The following CUX1 variants were observed in gnomAD, a reference collection of about 807,000 sequenced individuals.
The protein encoded by CUX1 is protein CASP.
In CUX1, 31 loss-of-function variants were observed where a neutral mutation model predicts 158.8. The ratio of observed to expected loss-of-function variants is 0.20; its 90% CI spans 0.15 to 0.26. The LOEUF (loss-of-function observed/expected upper bound fraction) is 0.26. CUX1 is among the 10% of genes least tolerant of loss of function. The pLI is 1.00. For synonymous variants in CUX1, 879 were observed against 862.1 expected, an observed-to-expected ratio of 1.02 and a Z score of -0.34; for missense variants, 1,589 against 2,014.6, an observed-to-expected ratio of 0.79 and a Z score of 4.04.
At chr7:102,280,128 A>G (rs782246422) in intron 19 of CUX1, 1 of 1,598,696 alleles carries the variant, frequency 6.3e-7, no homozygotes, top group Non-Finnish European at 8.5e-7. Flanking sequence ...CGGGTTCGTG[A>G]GCCCAGCCTG....
chr7:102,153,984 G>A (rs1835969511), intron 8 of CUX1: 1 of 152,200 alleles, frequency 6.6e-6, no homozygotes, highest in East Asian at 1.9e-4. Context: ...TAAAAAAATT[G>A]AATAACTTAG....
At chr7:101,997,501 G>T (rs183880144) in intron 2 of CUX1, among the ~76,000 whole-genome samples, 1 of 151,456 alleles carries the variant, frequency 6.6e-6, no homozygotes, top group East Asian at 1.9e-4. Flanking sequence ...CCACCACCAC[G>T]CCTGGCTACT....
intron 1 of CUX1, among the ~76,000 whole-genome samples, chr7:101,873,480 T>A (rs1241997235): frequency 6.7e-6 from 1 of 149,754 alleles, no homozygotes. Flanking sequence ...TGAGCCACCA[T>A]GCCTGGTATT....
intron 8 of CUX1, among the ~76,000 whole-genome samples, chr7:102,135,422 G>A (rs1198717117): frequency 2.6e-5 from 4 of 152,088 alleles, no homozygotes; most frequent in Middle Eastern, 6.8e-3. Flanking sequence ...GGTTGGTCTC[G>A]CTGTCTCGGG....
chr7:101,981,156 G>A (rs549118873), intron 2 of CUX1, among the ~76,000 whole-genome samples: 5 of 151,844 alleles, frequency 3.3e-5, no homozygotes, highest in African/African-American at 9.7e-5. Context: ...AATACCCCCC[G>A]TTTTGTGAAT....
At chr7:102,175,678 C>T (rs909919843) in intron 10 of CUX1, among the ~76,000 whole-genome samples, 20 of 152,164 alleles carry the variant, frequency 1.3e-4, no homozygotes, top group African/African-American at 4.3e-4. Context: ...CGAGGCCCAC[C>T]CATTCCCCCC....
At chr7:102,046,993 C>T (rs888649432) in intron 3 of CUX1, among the ~76,000 whole-genome samples, 7 of 152,126 alleles carry the variant, frequency 4.6e-5, no homozygotes, top group African/African-American at 1.7e-4. Flanking sequence ...CAGGATGCTC[C>T]CCTACCTTGC....
At chr7:102,133,075 G>A (rs1739087640) in intron 8 of CUX1, among the ~76,000 whole-genome samples, 1 of 152,140 alleles carries the variant, frequency 6.6e-6, no homozygotes, top group Non-Finnish European at 1.5e-5. Context: ...ATCTGCTAAA[G>A]TTATCTTTCT....
chr7:102,109,760 G>T (rs1830696541), intron 6 of CUX1, among the ~76,000 whole-genome samples: 1 of 151,328 alleles, frequency 6.6e-6, no homozygotes, highest in Non-Finnish European at 1.5e-5. Context: ...TCCAGCCTGG[G>T]TGACAGAACA....
At chr7:102,107,821 T>C (rs533214192) in intron 6 of CUX1, among the ~76,000 whole-genome samples, 10 of 152,278 alleles carry the variant, frequency 6.6e-5, no homozygotes, top group African/African-American at 2.2e-4. Flanking sequence ...GTCTGCTCCA[T>C]TGTGGCCACC....
chr7:101,954,477 T>C (rs1408930467), intron 2 of CUX1, among the ~76,000 whole-genome samples: 1 of 152,234 alleles, frequency 6.6e-6, no homozygotes, highest in Non-Finnish European at 1.5e-5. Context: ...TAGCTGTATG[T>C]ATTGCCAAGG....
chr7:101,816,568 G>GCGCC (rs1304334565), upstream of CUX1, among the ~76,000 whole-genome samples: 4 of 141,300 alleles, frequency 2.8e-5, no homozygotes, highest in Admixed American at 6.9e-5. Flanking sequence ...CCCGGCGGTG[G>GCGCC]CGCCCGCCCG....
Position 102,256,663 on chromosome 7 carries a change from C to G in CUX1, c.*7621C>G. ...GGGAGTTGCTGAGTTGAAGAATGCT[C>G]GCTTGAGGAGCTTCAGAGGAATCTT... On this transcript the variant is annotated 3_prime_UTR_variant, in exon 24 of 24. Transcript: ENST00000292535. 1 of 985,404 alleles carries G rather than the reference C, an allele frequency of 1.0e-6. No homozygotes were observed. Among genetic ancestry groups the G allele is most frequent in the Non-Finnish European group, 1.2e-6 (1 of 829,932 alleles). 61.0% of individuals were successfully genotyped at this position (985,404 alleles called of 1,614,324 possible).
rs562935098 is a variant in CUX1, at chr7:102,001,650, G to T, written c.142-26448G>T. Among the ~76,000 whole-genome samples, 224 of 152,242 alleles carry T rather than the reference G, an allele frequency of 1.5e-3. 1 individual carries two copies. The highest frequency in any genetic ancestry group is 5.2e-3 in the African/African-American group (217 of 41,556). On this transcript the variant is annotated intron_variant, in intron 2 of 23. Coordinates refer to ENST00000292535, the MANE Select transcript of CUX1 (RefSeq NM_181552.4). ...TGAGCCACCGCGCCCGGCCCCGTTT[G>T]GTGTTTTTAATGCTGTATTGCCATT...
chr7:101,892,080 C>G (rs1277285407), intron 1 of CUX1, among the ~76,000 whole-genome samples: 1 of 152,202 alleles, frequency 6.6e-6, no homozygotes, highest in African/African-American at 2.4e-5. Flanking sequence ...TGAATCAGAT[C>G]TAGGAGCATC....
At chr7:101,898,585 CTTTTTTTTTT>C (rs67714464) in intron 1 of CUX1, among the ~76,000 whole-genome samples, 518 of 115,456 alleles carry the variant, frequency 4.5e-3, no homozygotes, top group Non-Finnish European at 6.4e-3. Flanking sequence ...ATTTCTGTGT[CTTTTTTTTTT>C]TTTTTTTTTT....
intron 8 of CUX1, among the ~76,000 whole-genome samples, chr7:102,157,968 G>A (rs1789963140): frequency 6.6e-6 from 1 of 152,152 alleles, no homozygotes; most frequent in Non-Finnish European, 1.5e-5. Flanking sequence ...TGTCTGCACT[G>A]CAGCCTGTAC....
intron 8 of CUX1, among the ~76,000 whole-genome samples, chr7:102,135,522 C>T (rs1225181103): frequency 1.3e-5 from 2 of 151,468 alleles, no homozygotes; most frequent in Non-Finnish European, 2.9e-5. Flanking sequence ...TGAAGTGGAA[C>T]CATATTGTTC....
intron 17 of CUX1, among the ~76,000 whole-genome samples, chr7:102,200,445 C>T (rs1183170342): frequency 2.6e-5 from 4 of 151,984 alleles, no homozygotes; most frequent in East Asian, 1.9e-4. Flanking sequence ...CGGGTTTAAG[C>T]GATTCTCCTG....
Sources: gnomAD v4.1 joint callset for allele counts (sites outside exome capture counted in the v4.1 genomes callset) on GRCh38, gnomAD v4.1.1 for gene constraint, MANE v1.5 for transcripts, NCBI Gene and HGNC (gene_info 2026-07-23, HGNC 2026-07-21) for gene names.